Variants in FHIT observed in about 807,000 individuals in gnomAD.
The protein encoded by FHIT is fragile histidine triad diadenosine triphosphatase, also known as bis(5'-adenosyl)-triphosphatase.
In FHIT, 19 loss-of-function variants were observed where a neutral mutation model predicts 17.9. The observed-to-expected ratio is 1.06, with a 90% CI of 0.74 to 1.56. The LOEUF (loss-of-function observed/expected upper bound fraction) is 1.56. Ranked by LOEUF, FHIT falls within the 40% of genes most tolerant of loss-of-function variation. The probability of loss-of-function intolerance (pLI) is 0.00; values close to 1 mark genes in which losing one functional copy is unlikely to be tolerated. For missense variants in FHIT, 248 were observed against 189.2 expected, an observed-to-expected ratio of 1.31 and a Z score of -1.82; for synonymous variants, 81 against 69.7, an observed-to-expected ratio of 1.16 and a Z score of -0.81.
At chr3:60,005,536 C>T (rs927641040) in intron 7 of FHIT, among the ~76,000 whole-genome samples, 2 of 152,120 alleles carry the variant, frequency 1.3e-5, no homozygotes, top group Non-Finnish European at 2.9e-5. Context: ...GGCGTCCACT[C>T]CCACATGTAC....
intron 5 of FHIT, among the ~76,000 whole-genome samples, chr3:60,238,291 T>C (rs1391213002): frequency 2.0e-5 from 3 of 152,110 alleles, no homozygotes; most frequent in South Asian, 2.1e-4. Flanking sequence ...TAAGTATTAA[T>C]GTACAGTATA....
At chr3:60,479,589 C>A (rs1484223921) in intron 5 of FHIT, among the ~76,000 whole-genome samples, 6 of 152,168 alleles carry the variant, frequency 3.9e-5, no homozygotes, top group Non-Finnish European at 7.3e-5. Context: ...ATATTAGGTA[C>A]AGCAGGGGTC....
intron 3 of FHIT, among the ~76,000 whole-genome samples, chr3:60,878,168 C>G (rs1449890727): frequency 6.6e-6 from 1 of 152,060 alleles, no homozygotes; most frequent in East Asian, 1.9e-4. Context: ...CCCACTGAAT[C>G]AAAGCTGGTA....
chr3:60,746,468 AC>A (rs1416417925), intron 4 of FHIT, among the ~76,000 whole-genome samples: 1 of 152,228 alleles, frequency 6.6e-6, no homozygotes, highest in Non-Finnish European at 1.5e-5. Flanking sequence ...TGGTTCCGCC[AC>A]ACAATGCTTC....
chr3:59,820,823 T>C (rs1354768703), intron 8 of FHIT, among the ~76,000 whole-genome samples: 1 of 152,084 alleles, frequency 6.6e-6, no homozygotes, highest in African/African-American at 2.4e-5. Context: ...AAAAGAACAA[T>C]GTGCGAGACA....
chr3:60,222,484 T>G (rs1704006858), intron 5 of FHIT, among the ~76,000 whole-genome samples: 1 of 152,162 alleles, frequency 6.6e-6, no homozygotes. Context: ...TAATTGTGGT[T>G]CTTGCCATTA....
intron 8 of FHIT, among the ~76,000 whole-genome samples, chr3:59,827,332 A>G (rs1420659138): frequency 6.6e-6 from 1 of 152,230 alleles, no homozygotes; most frequent in Non-Finnish European, 1.5e-5. Flanking sequence ...AGAGAATCAC[A>G]TTTAAAGTCA....
chr3:60,427,655 A>T (rs1485789213), intron 5 of FHIT, among the ~76,000 whole-genome samples: 1 of 152,040 alleles, frequency 6.6e-6, no homozygotes, highest in Admixed American at 6.6e-5. Context: ...CTTCTTTCTC[A>T]ACACTCTCCA....
intron 3 of FHIT, among the ~76,000 whole-genome samples, chr3:60,865,580 T>C (rs782582115): frequency 6.6e-6 from 1 of 152,138 alleles, no homozygotes; most frequent in African/African-American, 2.4e-5. Context: ...TTCCTCTTAG[T>C]ATGAAGAGAG....
chr3:60,888,762 T>C (rs1277118080), intron 3 of FHIT, among the ~76,000 whole-genome samples: 1 of 152,208 alleles, frequency 6.6e-6, no homozygotes, highest in Non-Finnish European at 1.5e-5. Flanking sequence ...AAGTGATAGT[T>C]CTGTAACATG....
intron 7 of FHIT, among the ~76,000 whole-genome samples, chr3:59,997,237 G>T (rs1405176054): frequency 6.6e-6 from 1 of 152,064 alleles, no homozygotes; most frequent in African/African-American, 2.4e-5. Context: ...CACAGCCAAA[G>T]GCATTGATGA....
At chr3:61,210,713 C>T (rs1243903044) in intron 1 of FHIT, among the ~76,000 whole-genome samples, 1 of 152,142 alleles carries the variant, frequency 6.6e-6, no homozygotes, top group African/African-American at 2.4e-5. Flanking sequence ...TCACCCCTCT[C>T]TTTTACTAGG....
At chr3:60,996,050 G>C (rs2030651482) in intron 3 of FHIT, among the ~76,000 whole-genome samples, 2 of 150,778 alleles carry the variant, frequency 1.3e-5, no homozygotes, top group African/African-American at 4.9e-5. Context: ...TTTATTTAAG[G>C]CATAAAAATT....
intron 5 of FHIT, among the ~76,000 whole-genome samples, chr3:60,057,777 G>C (rs1702140036): frequency 1.3e-5 from 2 of 151,544 alleles, no homozygotes; most frequent in Admixed American, 6.6e-5. Context: ...TCATTCTCAG[G>C]ATTGCTTCCT....
chr3:60,340,014 A>G (rs931951829), intron 5 of FHIT, among the ~76,000 whole-genome samples: 2 of 152,152 alleles, frequency 1.3e-5, no homozygotes, highest in African/African-American at 4.8e-5. Flanking sequence ...AAATGCAAAC[A>G]TGTCAAATTA....
chr3:60,927,731 G>A (rs1170025038), intron 3 of FHIT, among the ~76,000 whole-genome samples: 1 of 151,876 alleles, frequency 6.6e-6, no homozygotes, highest in South Asian at 2.1e-4. Flanking sequence ...TGTGAGGTGG[G>A]CGTGCCCCCA....
intron 5 of FHIT, among the ~76,000 whole-genome samples, chr3:60,205,253 C>G (rs1044680047): frequency 4.6e-5 from 7 of 151,958 alleles, no homozygotes; most frequent in Non-Finnish European, 1.0e-4. Context: ...GGGATTTCCT[C>G]AAAGAATTAT....
chr3:59,956,665 C>T (rs1707416895), intron 7 of FHIT, among the ~76,000 whole-genome samples: 1 of 151,388 alleles, frequency 6.6e-6, no homozygotes, highest in Admixed American at 6.6e-5. Context: ...AGACTGTCTC[C>T]AAAAATAAAA....
chr3:60,875,290 C>T (rs1441553079), intron 3 of FHIT, among the ~76,000 whole-genome samples: 2 of 151,786 alleles, frequency 1.3e-5, no homozygotes, highest in Admixed American at 6.6e-5. Context: ...ATTCCCCATC[C>T]TAGAATTCTA....
Sources: allele counts gnomAD v4.1 joint callset (sites outside exome capture counted in the v4.1 genomes callset), GRCh38; gene constraint gnomAD v4.1.1; transcripts MANE v1.5; gene names NCBI Gene and HGNC (gene_info 2026-07-23, HGNC 2026-07-21).